The following FYB1 variants were observed in gnomAD, a reference collection of about 807,000 sequenced individuals.
FYB1 encodes FYN binding protein 1, also known as FYN-binding protein 1.
A neutral mutation model predicts 94.1 loss-of-function variants in FYB1; 41 were observed. That is an observed-to-expected ratio of 0.44 (90% CI 0.34 to 0.57). FYB1 has a LOEUF of 0.57. FYB1 is among the 20% of genes least tolerant of loss of function. The pLI is 0.02. For synonymous variants in FYB1, 367 were observed against 353.2 expected, an observed-to-expected ratio of 1.04 and a Z score of -0.44; for missense variants, 1,050 against 976.8, an observed-to-expected ratio of 1.07 and a Z score of -1.00.
chr5:39,157,774 G>A (rs1388343766), intron 2 of FYB1, among the ~76,000 whole-genome samples: 3 of 152,192 alleles, frequency 2.0e-5, no homozygotes, highest in Non-Finnish European at 4.4e-5. Flanking sequence ...AAAAGACCAT[G>A]TAGAATGTTT....
At chr5:39,151,550 G>A (rs944769388) in intron 3 of FYB1, among the ~76,000 whole-genome samples, 3 of 152,144 alleles carry the variant, frequency 2.0e-5, no homozygotes, top group East Asian at 1.9e-4. Flanking sequence ...TCTGTCTTTC[G>A]AAGTGTTGGG....
In FYB1 at chr5:39,176,137, GTTTTTTTTTTTTTTTT is replaced by G. The variant is rs70982547; in HGVS notation, c.1136-22549_1136-22534del. Among the ~76,000 whole-genome samples, 458 of 61,682 alleles carry G rather than the reference GTTTTTTTTTTTTTTTT, an allele frequency of 7.4e-3. 4 individuals carry two copies. Among genetic ancestry groups the G allele is most frequent in the Admixed American group, 0.017 (65 of 3,912 alleles). 40.5% of individuals were successfully genotyped at this position (61,682 alleles called of 152,430 possible). On this transcript the variant is annotated intron_variant, in intron 2 of 18. Coordinates refer to ENST00000512982, the MANE Select transcript of FYB1 (RefSeq NM_001465.6). ...GAGAATCCCAAGTCATTTTTTTTCT[GTTTTTTTTTTTTTTTT>G]TTTTTTTTTTTTTTAAAGACAGAGT...
intron 2 of FYB1, among the ~76,000 whole-genome samples, chr5:39,194,233 A>G (rs1747622756): frequency 6.6e-6 from 1 of 152,198 alleles, no homozygotes; most frequent in Non-Finnish European, 1.5e-5. Context: ...ATAAAAATGA[A>G]ACATTAGCTG....
At chr5:39,156,990 T>C (rs1355125748) in intron 2 of FYB1, among the ~76,000 whole-genome samples, 1 of 152,186 alleles carries the variant, frequency 6.6e-6, no homozygotes, top group African/African-American at 2.4e-5. Flanking sequence ...TAATTAATCA[T>C]GCAATTTTTG....
chr5:39,238,350 A>T (rs1389738636), intron 1 of FYB1, among the ~76,000 whole-genome samples: 1 of 151,926 alleles, frequency 6.6e-6, no homozygotes, highest in African/African-American at 2.4e-5. Flanking sequence ...AAAATGCATT[A>T]TATTTTTTTA....
chr5:39,241,158 T>C (rs773456981), intron 1 of FYB1, among the ~76,000 whole-genome samples: 23 of 151,962 alleles, frequency 1.5e-4, no homozygotes, highest in Admixed American at 5.9e-4. Context: ...TAGGGCCTAC[T>C]TGAGGATAGG....
chr5:39,119,609 T>C lies in FYB1; in HGVS notation c.2164A>G (p.Lys722Glu), dbSNP rs1389013508. The C allele has an allele frequency of 1.3e-6, 2 of 1,546,742 alleles. No homozygotes were observed. Among genetic ancestry groups the C allele is most frequent in the East Asian group, 4.7e-5 (2 of 42,356 alleles). ...TTCTTAAGGTCCTTTTCTTCTGTCTTAGCTTTTCCAACATTAGTTCCTTGA... is the reference window on the plus strand; with the variant it reads ...TTCTTAAGGTCCTTTTCTTCTGTCTCAGCTTTTCCAACATTAGTTCCTTGA... The part of the protein sequence containing the change: ...MSQGTNVGKA[K>E]TEEKDLKKLK... Residue 722 changes from lysine to glutamate, a missense_variant, in exon 15 of 19, where the codon AAG (lysine) becomes GAG (glutamate). By Grantham distance (56) the Lys-to-Glu change is moderately conservative (BLOSUM62 1). Transcript: ENST00000512982.
intron 1 of FYB1, among the ~76,000 whole-genome samples, chr5:39,210,892 T>C (rs1442505159): frequency 6.6e-6 from 1 of 152,188 alleles, no homozygotes; most frequent in Admixed American, 6.5e-5. Context: ...TATGTGTTTC[T>C]GAGGTTTGTT....
chr5:39,243,417 T>C (rs1751311908), intron 1 of FYB1, among the ~76,000 whole-genome samples: 1 of 151,784 alleles, frequency 6.6e-6, no homozygotes, highest in Admixed American at 6.5e-5. Context: ...CCATTTCTTG[T>C]TTTTGTCAGT....
rs1353188138 is a variant in FYB1 at position 39,202,884 on chromosome 5, G to A, written c.77C>T (p.Pro26Leu). 3 of 1,613,934 alleles carry A rather than the reference G, an allele frequency of 1.9e-6. No individual in the cohort carries two copies. Among genetic ancestry groups the A allele is most frequent in the Non-Finnish European group, 2.5e-6 (3 of 1,179,888 alleles). The part of the protein sequence containing the change: ...VNSRPFRVTG[P>L]NSSSGIQARK... ...TGCTTGTATTCCTGAAGATGAGTTT[G>A]GCCCTGTGACTCTGAAGGGTCGGCT... The change falls in exon 2 of 19, where the codon CCA becomes CTA. Residue 26 changes from proline to leucine, a missense_variant. By Grantham distance (98) the Pro-to-Leu change is moderately conservative. Coordinates refer to ENST00000512982, the MANE Select transcript of FYB1 (RefSeq NM_001465.6).
Position 39,119,531 on chromosome 5 carries a change from A to G in FYB1, c.2238+4T>C, listed in dbSNP as rs1250827074. 6.6e-7 allele frequency: 1 copy of G among 1,523,624 alleles called. No homozygotes were observed. The highest frequency in any genetic ancestry group is 1.4e-5 in the African/African-American group (1 of 71,778). 94.4% of individuals were successfully genotyped at this position (1,523,624 alleles called of 1,614,324 possible). On this transcript the variant is annotated splice_donor_region_variant and intron_variant, in intron 15 of 18. Transcript: ENST00000512982. ...ACTTTGTATAATATTTAGATATGAC[A>G]TACTTTAAATTTTTTCCTGAAGTCT...
At chr5:39,199,197 C>T (rs1486854793) in intron 2 of FYB1, among the ~76,000 whole-genome samples, 2 of 151,882 alleles carry the variant, frequency 1.3e-5, no homozygotes, top group African/African-American at 2.4e-5. Context: ...AAAAATTTTG[C>T]TACAACAGAA....
chr5:39,179,881 T>C (rs916515072), intron 2 of FYB1, among the ~76,000 whole-genome samples: 29 of 152,174 alleles, frequency 1.9e-4, no homozygotes, highest in African/African-American at 6.8e-4. Context: ...ACTTGCCTGG[T>C]TTATGCCTAC....
intron 2 of FYB1, among the ~76,000 whole-genome samples, chr5:39,163,178 G>A (rs549461179): frequency 1.3e-5 from 2 of 152,250 alleles, no homozygotes; most frequent in South Asian, 2.1e-4. Context: ...CTAATTCAAA[G>A]CCATCTGCTC....
chr5:39,145,856 A>G (rs1447316846), intron 3 of FYB1, among the ~76,000 whole-genome samples: 1 of 151,296 alleles, frequency 6.6e-6, no homozygotes, highest in African/African-American at 2.4e-5. Context: ...CTTCTTTGGA[A>G]TAATCCTCCC....
chr5:39,244,608 T>G (rs1019011041), intron 1 of FYB1, among the ~76,000 whole-genome samples: 2 of 139,492 alleles, frequency 1.4e-5, no homozygotes, highest in Non-Finnish European at 2.9e-5. Context: ...TCTCTTTTTT[T>G]GTTGTGTCTC....
Position 39,202,942 on chromosome 5 carries a change from C to A in FYB1, c.19G>T (p.Gly7Trp). 2 of 1,613,860 alleles carry A rather than the reference C, an allele frequency of 1.2e-6. No individual in the cohort carries two copies. The highest frequency in any genetic ancestry group is 1.7e-6 in the Non-Finnish European group (2 of 1,179,880). The part of the protein sequence containing the change: MAKYNT[G>W]GNPTEDVSVN... The stretch of plus-strand genomic sequence containing the variant: ...GAGACATCCTCTGTCGGGTTGCCCC[C>A]CGTGTTATATTTCGCCATGAGGGAC... Residue 7 changes from glycine (G) to tryptophan (W), a missense_variant, in exon 2 of 19, where the codon GGG becomes TGG. Transcript: ENST00000512982.
At chr5:39,240,183 TA>T (rs2150585688) in intron 1 of FYB1, among the ~76,000 whole-genome samples, 1 of 152,258 alleles carries the variant, frequency 6.6e-6, no homozygotes. Context: ...CAGTATGTAT[TA>T]AAAACTTAAA....
chr5:39,219,710 A>T, upstream of FYB1: 2 of 524,014 alleles, frequency 3.8e-6, no homozygotes, highest in Non-Finnish European at 4.9e-6. Flanking sequence ...GGGGAACTTA[A>T]AAGTGTCTGT....
Sources: gnomAD v4.1 joint callset for allele counts (sites outside exome capture counted in the v4.1 genomes callset) on GRCh38, gnomAD v4.1.1 for gene constraint, MANE v1.5 for transcripts, NCBI Gene and HGNC (gene_info 2026-07-23, HGNC 2026-07-21) for gene names.